Variants in MSH4 observed in about 807,000 individuals in gnomAD.
MSH4 encodes the protein mutS protein homolog 4.
A neutral mutation model predicts 113.7 loss-of-function variants in MSH4; 106 were observed. The ratio of observed to expected loss-of-function variants is 0.93; its 90% CI spans 0.80 to 1.10. MSH4 has a LOEUF of 1.10. Ranked by LOEUF, MSH4 falls within the 50% of genes least tolerant of loss-of-function variation. The pLI, the probability that MSH4 is intolerant of heterozygous loss-of-function variation, is 0.00. For missense variants in MSH4, 1,061 were observed against 1,093.7 expected, an observed-to-expected ratio of 0.97 and a Z score of 0.42; for synonymous variants, 368 against 380.2, an observed-to-expected ratio of 0.97 and a Z score of 0.37.
chr1:75,802,705 T>C (rs1339402980), intron 1 of MSH4, among the ~76,000 whole-genome samples: 1 of 152,208 alleles, frequency 6.6e-6, no homozygotes, highest in East Asian at 1.9e-4. Flanking sequence ...GGTCTAATAA[T>C]TATTATACAA....
chr1:75,898,598 A>G (rs1457279345), intron 18 of MSH4, among the ~76,000 whole-genome samples: 1 of 150,878 alleles, frequency 6.6e-6, no homozygotes, highest in Non-Finnish European at 1.5e-5. Flanking sequence ...TGCTCACTGC[A>G]ACCTCCACCT....
intron 8 of MSH4, among the ~76,000 whole-genome samples, chr1:75,856,320 G>A (rs1169702048): frequency 1.3e-5 from 2 of 151,702 alleles, no homozygotes; most frequent in Admixed American, 6.6e-5. Flanking sequence ...TTAGGTTCTG[G>A]GTTACATGTG....
chr1:75,840,263 C>A (rs1650924555), intron 7 of MSH4, among the ~76,000 whole-genome samples: 2 of 139,744 alleles, frequency 1.4e-5, no homozygotes, highest in African/African-American at 5.2e-5. Flanking sequence ...AGACTTGGAA[C>A]CAACCCAAAT....
At chr1:75,821,028 C>T (rs1557495660) in intron 6 of MSH4, among the ~76,000 whole-genome samples, 1 of 151,854 alleles carries the variant, frequency 6.6e-6, no homozygotes, top group Non-Finnish European at 1.5e-5. Context: ...TATCCAGGAA[C>T]TGAACTCAGC....
chr1:75,899,187 G>T (rs551485275), intron 18 of MSH4, among the ~76,000 whole-genome samples: 45 of 152,256 alleles, frequency 3.0e-4, no homozygotes, highest in African/African-American at 1.0e-3. Flanking sequence ...CATCTTCTGA[G>T]AAATTCCTGT....
intron 10 of MSH4, 106 bp downstream of exon 10, chr1:75,877,106 T>C (rs1347636273): frequency 3.1e-6 from 2 of 637,936 alleles, no homozygotes; most frequent in Non-Finnish European, 4.9e-6. Context: ...TTACTTGAGT[T>C]TTGGTTAACA....
rs757389197 is a variant in MSH4, at chr1:75,883,709, C to A, written c.1995C>A (p.Asn665Lys). ...EKISAEKPIA[N>K]NTYVTEGSNF... Reference sequence around the variant, plus strand: ...TATCTGCGGAAAAACCTATTGCCAACAATACCTATGTTACAGAAGGGAGTA... The same window carrying A: ...TATCTGCGGAAAAACCTATTGCCAAAAATACCTATGTTACAGAAGGGAGTA... The change falls in exon 15 of 20, where the codon AAC becomes AAA. Residue 665 changes from asparagine (N) to lysine (K), a missense_variant. By Grantham distance (94) the Asn-to-Lys change is moderately conservative. Coordinates refer to ENST00000263187, the MANE Select transcript of MSH4 (RefSeq NM_002440.4). The A allele has an allele frequency of 1.2e-6, 2 of 1,613,134 alleles. No homozygotes were observed. The highest frequency in any genetic ancestry group is 1.7e-6 in the Non-Finnish European group (2 of 1,179,520).
chr1:75,863,823 A>C (rs1196702706), intron 8 of MSH4, among the ~76,000 whole-genome samples: 1 of 152,092 alleles, frequency 6.6e-6, no homozygotes, highest in African/African-American at 2.4e-5. Context: ...CTTCCTGTTT[A>C]TTATTATTTT....
chr1:75,855,275 C>G (rs556414560), intron 8 of MSH4, among the ~76,000 whole-genome samples: 1 of 152,228 alleles, frequency 6.6e-6, no homozygotes, highest in South Asian at 2.1e-4. Flanking sequence ...TGGGCTCAAG[C>G]AATCCTCCTA....
chr1:75,806,648 C>T (rs1477778460), intron 2 of MSH4, among the ~76,000 whole-genome samples: 3 of 152,026 alleles, frequency 2.0e-5, no homozygotes, highest in Non-Finnish European at 4.4e-5. Flanking sequence ...TATAATAAGT[C>T]TTGATATTTT....
chr1:75,815,491 G>A (rs1650275499), intron 5 of MSH4, among the ~76,000 whole-genome samples: 1 of 152,172 alleles, frequency 6.6e-6, no homozygotes, highest in African/African-American at 2.4e-5. Flanking sequence ...CTGGAAATGT[G>A]AGGGCATAGG....
At chr1:75,912,657 T>G (rs1329866525) in intron 19 of MSH4, 39 bp from the exon 20 acceptor site, 2 of 1,139,178 alleles carry the variant, frequency 1.8e-6, no homozygotes, top group Non-Finnish European at 2.3e-6. Flanking sequence ...TTATGGTATT[T>G]GTGTATATAT....
At chr1:75,840,396 A>G (rs1199052501) in intron 7 of MSH4, among the ~76,000 whole-genome samples, 3 of 145,348 alleles carry the variant, frequency 2.1e-5, no homozygotes, top group Non-Finnish European at 4.5e-5. Context: ...GGAAATCATC[A>G]TTCTCAGTAA....
chr1:75,909,892 A>T (rs900143973), intron 19 of MSH4, among the ~76,000 whole-genome samples: 1 of 151,734 alleles, frequency 6.6e-6, no homozygotes, highest in Admixed American at 6.6e-5. Context: ...TTTTTCTTCC[A>T]TCTCTCTTCC....
intron 3 of MSH4, among the ~76,000 whole-genome samples, chr1:75,810,290 G>A (rs1337343632): frequency 2.6e-5 from 4 of 151,708 alleles, no homozygotes; most frequent in Non-Finnish European, 4.4e-5. Flanking sequence ...GCGTGCAAAG[G>A]TGCCTGGTGT....
chr1:75,912,283 A>T (rs932553223), intron 19 of MSH4, among the ~76,000 whole-genome samples: 30 of 152,086 alleles, frequency 2.0e-4, no homozygotes, highest in Non-Finnish European at 4.1e-4. Flanking sequence ...GGCATCATTT[A>T]AAAGTATATT....
intron 7 of MSH4, among the ~76,000 whole-genome samples, chr1:75,832,846 A>C (rs1650734563): frequency 6.6e-6 from 1 of 152,112 alleles, no homozygotes; most frequent in African/African-American, 2.4e-5. Context: ...ATGGGCAAAA[A>C]CTGGAAGCAT....
chr1:75,829,026 C>A (rs1650621442), intron 7 of MSH4, among the ~76,000 whole-genome samples: 2 of 152,162 alleles, frequency 1.3e-5, no homozygotes, highest in Non-Finnish European at 2.9e-5. Flanking sequence ...AGAGAATTCC[C>A]TTTCCCAGCA....
intron 4 of MSH4, among the ~76,000 whole-genome samples, chr1:75,814,353 T>G (rs1186254408): frequency 4.6e-5 from 7 of 151,344 alleles, no homozygotes; most frequent in Non-Finnish European, 2.9e-5. Flanking sequence ...TAGTCCCAGC[T>G]ACTCAGGAGG....
Sources: allele counts gnomAD v4.1 joint callset (sites outside exome capture counted in the v4.1 genomes callset), GRCh38; gene constraint gnomAD v4.1.1; transcripts MANE v1.5; gene names NCBI Gene and HGNC (gene_info 2026-07-23, HGNC 2026-07-21).